Variants in CAST observed in about 807,000 individuals in gnomAD.
CAST encodes the protein calpastatin.
A neutral mutation model predicts 119.6 loss-of-function variants in CAST; 76 were observed. The observed-to-expected ratio is 0.64, with a 90% CI of 0.53 to 0.77. CAST has a LOEUF of 0.77. Among genes scored for constraint, CAST ranks in the 30% least tolerant of loss-of-function variants. CAST has a pLI of 0.00. For missense variants in CAST, 953 were observed against 946.5 expected (o/e 1.01, Z -0.09); for synonymous variants, 319 against 331.6 (o/e 0.96, Z 0.41).
intron 3 of CAST, among the ~76,000 whole-genome samples, chr5:96,712,210 A>G (rs923797000): frequency 6.6e-6 from 1 of 152,254 alleles, no homozygotes; most frequent in African/African-American, 2.4e-5. Context: ...TATCTGAAAC[A>G]GGCATGGAGC....
the CAST span, among the ~76,000 whole-genome samples, chr5:96,378,369 C>T: frequency 6.6e-6 from 1 of 152,148 alleles, no homozygotes; most frequent in South Asian, 2.1e-4. Context: ...AGAATGGTAA[C>T]TATGTGGGGT....
the CAST span, among the ~76,000 whole-genome samples, chr5:96,407,588 A>G: frequency 2.0e-5 from 3 of 152,338 alleles, no homozygotes; most frequent in East Asian, 5.8e-4. Context: ...AGAAATTCCA[A>G]TTCTGAGTGT....
intron 1 of CAST, among the ~76,000 whole-genome samples, chr5:96,535,098 A>C (rs964062905): frequency 1.3e-5 from 2 of 152,326 alleles, no homozygotes; most frequent in Non-Finnish European, 2.9e-5. Context: ...AACAAATGGC[A>C]TATAGTATCA....
At chr5:96,699,843 G>C (rs1306821232) in intron 3 of CAST, among the ~76,000 whole-genome samples, 1 of 152,156 alleles carries the variant, frequency 6.6e-6, no homozygotes, top group Non-Finnish European at 1.5e-5. Context: ...AGGAAAACAG[G>C]AGAATTACCT....
At chr5:96,118,864 CTT>C in the CAST span, among the ~76,000 whole-genome samples, 1 of 150,470 alleles carries the variant, frequency 6.6e-6, no homozygotes. Flanking sequence ...TTAAGTGACT[CTT>C]TTAGCTAAGT....
the CAST span, among the ~76,000 whole-genome samples, chr5:96,003,272 G>T: frequency 6.6e-6 from 1 of 151,300 alleles, no homozygotes; most frequent in South Asian, 2.1e-4. Flanking sequence ...AGGTGCGGTG[G>T]CTCATGCCTG....
At chr5:96,608,433 G>T (rs760799988) in intron 1 of CAST, among the ~76,000 whole-genome samples, 1 of 151,954 alleles carries the variant, frequency 6.6e-6, no homozygotes, top group East Asian at 1.9e-4. Flanking sequence ...TGTGGACTAG[G>T]TTTAATACTC....
the CAST span, among the ~76,000 whole-genome samples, chr5:96,369,149 A>G: frequency 6.6e-6 from 1 of 150,964 alleles, no homozygotes; most frequent in Non-Finnish European, 1.5e-5. Context: ...TATTTTATAT[A>G]TTTTTTCTAT....
the CAST span, among the ~76,000 whole-genome samples, chr5:96,349,689 G>C: frequency 6.6e-6 from 1 of 152,122 alleles, no homozygotes; most frequent in African/African-American, 2.4e-5. Flanking sequence ...AGACTAAAAA[G>C]TAGATTGACC....
intron 1 of CAST, among the ~76,000 whole-genome samples, chr5:96,644,331 ACAG>A (rs1747991204): frequency 6.6e-6 from 1 of 152,226 alleles, no homozygotes; most frequent in African/African-American, 2.4e-5. Flanking sequence ...TAAGGCATTC[ACAG>A]CAGAAGTAGT....
the CAST span, among the ~76,000 whole-genome samples, chr5:96,453,191 C>T: frequency 6.6e-6 from 1 of 152,038 alleles, no homozygotes. Context: ...ACAGCAGAAA[C>T]AGCTACTCGA....
At chr5:96,150,254 C>T in the CAST span, among the ~76,000 whole-genome samples, 3 of 152,192 alleles carry the variant, frequency 2.0e-5, no homozygotes, top group Admixed American at 2.0e-4. Flanking sequence ...GCTAGACTAC[C>T]TCTGCAGGAC....
the CAST span, among the ~76,000 whole-genome samples, chr5:96,071,992 G>A: frequency 1.3e-5 from 2 of 152,026 alleles, no homozygotes; most frequent in Non-Finnish European, 2.9e-5. Flanking sequence ...TCCAATGAAA[G>A]GTTTTAATGC....
In CAST at chr5:96,761,461, TAAC is replaced by T. The variant is rs530887084; in HGVS notation, c.1834-811_1834-809del. ...AATTAGTTTAAATAATTTCCAATAA[TAAC>T]ATGCTGAAATGAATTTCTGAATGTT... On this transcript the variant is annotated intron_variant, in intron 24 of 31. Transcript: ENST00000675179. 8.2e-4 allele frequency: 125 copies of T among 152,302 alleles called. 2 individuals are homozygous for T. The highest frequency in any genetic ancestry group is 2.9e-3 in the African/African-American group (120 of 41,586). The allele number at this position is 152,302 out of a possible 1,614,324, so 9.4% of individuals were successfully genotyped here. A position where few individuals can be genotyped will look rare whatever the true frequency, so the allele number is the denominator to read the frequency against.
the CAST span, among the ~76,000 whole-genome samples, chr5:96,410,277 C>T: frequency 6.6e-6 from 1 of 152,116 alleles, no homozygotes; most frequent in Non-Finnish European, 1.5e-5. Flanking sequence ...GAGCAGTTCA[C>T]CTCAGGGGAC....
intron 1 of CAST, among the ~76,000 whole-genome samples, chr5:96,540,465 G>T (rs373896431): frequency 4.6e-5 from 7 of 151,876 alleles, no homozygotes; most frequent in African/African-American, 2.4e-5. Flanking sequence ...AGCAGTTTTA[G>T]ATTTATAGAA....
At chr5:96,178,375 A>G in the CAST span, among the ~76,000 whole-genome samples, 1 of 152,160 alleles carries the variant, frequency 6.6e-6, no homozygotes, top group Non-Finnish European at 1.5e-5. Flanking sequence ...AGACATATTT[A>G]TTTTTAATTC....
the CAST span, among the ~76,000 whole-genome samples, chr5:96,182,721 T>C: frequency 1.3e-5 from 2 of 152,224 alleles, no homozygotes; most frequent in Non-Finnish European, 1.5e-5. Flanking sequence ...GATACTGTGA[T>C]AGATGCTGAA....
At chr5:96,035,546 G>C in the CAST span, among the ~76,000 whole-genome samples, 3 of 151,868 alleles carry the variant, frequency 2.0e-5, no homozygotes, top group Admixed American at 6.6e-5. Context: ...CTTGTGATTA[G>C]GGAAGTCTAG....
Sources: gnomAD v4.1 joint callset for allele counts (sites outside exome capture counted in the v4.1 genomes callset) on GRCh38, gnomAD v4.1.1 for gene constraint, MANE v1.5 for transcripts, NCBI Gene and HGNC (gene_info 2026-07-23, HGNC 2026-07-21) for gene names.